Variants in CTSO observed in about 807,000 individuals in gnomAD.
CTSO encodes cathepsin O.
In CTSO, 40 loss-of-function variants were observed where a neutral mutation model predicts 42.4. That is an observed-to-expected ratio of 0.94 (90% CI 0.73 to 1.23). CTSO has a LOEUF of 1.23. Ranked by LOEUF, CTSO falls within the 50% of genes most tolerant of loss-of-function variation. The pLI, the probability that CTSO is intolerant of heterozygous loss-of-function variation, is 0.00. For synonymous variants in CTSO, 156 were observed against 146.2 expected (o/e 1.07, Z -0.48); for missense variants, 441 against 396.0 (o/e 1.11, Z -0.96).
chr4:155,934,517 GAC>G (rs1353561634), intron 5 of CTSO, among the ~76,000 whole-genome samples: 4 of 152,204 alleles, frequency 2.6e-5, no homozygotes, highest in Non-Finnish European at 5.9e-5. Context: ...AAAAGCCACA[GAC>G]ACTCAATGCC....
Position 155,929,723 on chromosome 4 carries a change from AT to A in CTSO, c.675-19del. 6.3e-7 allele frequency: 1 copy of A among 1,593,312 alleles called. No homozygotes were observed. The highest frequency in any genetic ancestry group is 8.5e-7 in the Non-Finnish European group (1 of 1,172,968). The stretch of plus-strand genomic sequence containing the variant: ...CTTGGTCACTACCAAAAGAGGAAAT[AT>A]TTGGTTAGAAAATTTAGTTTTTAAG... On this transcript the variant is annotated intron_variant, in intron 5 of 7. Transcript: ENST00000433477.
intron 5 of CTSO, among the ~76,000 whole-genome samples, chr4:155,931,384 G>A (rs563748220): frequency 5.9e-5 from 9 of 152,190 alleles, no homozygotes; most frequent in African/African-American, 1.9e-4. Flanking sequence ...TCAAGAAGAA[G>A]GAATATTTTT....
intron 5 of CTSO, 92 bp downstream of exon 5, chr4:155,937,270 A>G: frequency 2.2e-6 from 2 of 911,862 alleles, no homozygotes; most frequent in South Asian, 1.6e-5. Context: ...GATTAAGAGT[A>G]TGCAGTGATG....
chr4:155,947,747 C>T (rs1487663971), intron 1 of CTSO, among the ~76,000 whole-genome samples: 1 of 152,148 alleles, frequency 6.6e-6, no homozygotes, highest in Admixed American at 6.5e-5. Context: ...CTGTATGAGG[C>T]CCTTGCTGCT....
chr4:155,933,173 G>A (rs553334637), intron 5 of CTSO, among the ~76,000 whole-genome samples: 2 of 152,172 alleles, frequency 1.3e-5, no homozygotes, highest in South Asian at 4.2e-4. Context: ...AGGAACCCAG[G>A]GGGAGGTAAT....
intron 5 of CTSO, among the ~76,000 whole-genome samples, chr4:155,935,694 C>T (rs1743318073): frequency 6.6e-6 from 1 of 152,042 alleles, no homozygotes; most frequent in Non-Finnish European, 1.5e-5. Flanking sequence ...TTGTGACTGT[C>T]TGTCTCAATT....
chr4:155,946,345 T>C (rs1743547130), intron 1 of CTSO, among the ~76,000 whole-genome samples: 1 of 152,214 alleles, frequency 6.6e-6, no homozygotes, highest in Non-Finnish European at 1.5e-5. Context: ...GAAGTAGTTA[T>C]AATAACACCA....
intron 6 of CTSO, among the ~76,000 whole-genome samples, chr4:155,929,134 G>T (rs1476868828): frequency 6.6e-6 from 1 of 152,208 alleles, no homozygotes; most frequent in African/African-American, 2.4e-5. Context: ...CAACTAGTCA[G>T]ACCTATCCCT....
At chr4:155,946,808 AAT>A (rs1342343485) in intron 1 of CTSO, among the ~76,000 whole-genome samples, 5 of 152,198 alleles carry the variant, frequency 3.3e-5, no homozygotes, top group Non-Finnish European at 7.3e-5. Flanking sequence ...CAAAACCATT[AAT>A]AACATTAAAA....
intron 1 of CTSO, among the ~76,000 whole-genome samples, chr4:155,946,231 C>T (rs539292508): frequency 6.6e-6 from 1 of 152,254 alleles, no homozygotes; most frequent in Admixed American, 6.5e-5. Context: ...CCAGATGAAA[C>T]AAACTTATAC....
chr4:155,951,918 A>G (rs1247538428), intron 1 of CTSO, among the ~76,000 whole-genome samples: 1 of 152,144 alleles, frequency 6.6e-6, no homozygotes, highest in Non-Finnish European at 1.5e-5. Context: ...CCTCCCGTCC[A>G]TGGAAAAAAT....
chr4:155,939,269 A>G (rs1353611694), intron 4 of CTSO, 102 bp downstream of exon 4: 5 of 1,017,698 alleles, frequency 4.9e-6, no homozygotes, highest in Non-Finnish European at 7.0e-6. Context: ...CCGAACGTGG[A>G]AACATTATTT....
At chr4:155,949,547 A>G (rs1353284409) in intron 1 of CTSO, among the ~76,000 whole-genome samples, 3 of 152,200 alleles carry the variant, frequency 2.0e-5, no homozygotes, top group Non-Finnish European at 4.4e-5. Flanking sequence ...TCGGCACTTT[A>G]AACTCATTGT....
Position 155,925,326 on chromosome 4 carries a change from T to C in CTSO, c.*710A>G, listed in dbSNP as rs1743111688. 1 of 152,230 alleles carries C rather than the reference T, an allele frequency of 6.6e-6. No homozygotes were observed. The highest frequency in any genetic ancestry group is 2.4e-5 in the African/African-American group (1 of 41,456). 9.4% of individuals were successfully genotyped at this position (152,230 alleles called of 1,614,324 possible). On this transcript the variant is annotated 3_prime_UTR_variant, in exon 8 of 8. Transcript: ENST00000433477. ...GCAATATGATCTATTGGATTCCTAT[T>C]CACAATGAAAATTATCAAACAATAA...
At position 155,937,478 on chromosome 4, in the gene CTSO, T is replaced by C. The variant is rs774903131; in HGVS notation, c.558A>G (p.Gln186=). 3.7e-6 allele frequency: 6 copies of C among 1,612,804 alleles called. No individual in the cohort carries two copies. The highest frequency in any genetic ancestry group is 4.2e-6 in the Non-Finnish European group (5 of 1,179,328). ...LNALNWLNKM[Q]VKLVKDSEYP... is the part of the protein sequence containing the mutation. ...ATTCTGAATCTTTCACCAGTTTTACTTGCATCTAAAAGAAAACAATCACTG... is the reference window on the plus strand; with the variant it reads ...ATTCTGAATCTTTCACCAGTTTTACCTGCATCTAAAAGAAAACAATCACTG... Residue 186 remains glutamine, a synonymous_variant, in exon 5 of 8, where the codon CAA becomes CAG. Transcript: ENST00000433477.
intron 6 of CTSO, among the ~76,000 whole-genome samples, 178 bp from the exon 7 acceptor site, chr4:155,928,606 C>A (rs1394262602): frequency 6.6e-6 from 1 of 152,162 alleles, no homozygotes; most frequent in Non-Finnish European, 1.5e-5. Context: ...CTGAGCAGTA[C>A]TTACGGACAC....
In CTSO at chr4:155,929,575, G is replaced by T. The variant is rs1308487825; in HGVS notation, c.805C>A (p.His269Asn). The T allele has an allele frequency of 3.1e-6, 5 of 1,613,680 alleles. No homozygotes were observed. The highest frequency in any genetic ancestry group is 4.2e-6 in the Non-Finnish European group (5 of 1,179,910). The change falls in exon 6 of 8, where the codon CAT (histidine) becomes AAT (asparagine). Residue 269 changes from histidine (H) to asparagine (N), a missense_variant. Physicochemically the swap from His to Asn is moderately conservative, Grantham distance 68. Transcript: ENST00000433477. ...TCAAACCCAGTTATGAGAACTGCAT[G>T]ATTTGCTTCTCCACTAGAGCAGTGA... Reference protein sequence around the residue: ...QHHCSSGEANHAVLITGFDKT... With the variant: ...QHHCSSGEANNAVLITGFDKT...
At chr4:155,951,414 G>A (rs1295779253) in intron 1 of CTSO, among the ~76,000 whole-genome samples, 1 of 152,174 alleles carries the variant, frequency 6.6e-6, no homozygotes, top group East Asian at 1.9e-4. Context: ...AGGAGTGAAA[G>A]TGCAGAGATA....
chr4:155,950,801 A>G (rs994364351), intron 1 of CTSO, among the ~76,000 whole-genome samples: 2 of 151,950 alleles, frequency 1.3e-5, no homozygotes, highest in African/African-American at 4.8e-5. Context: ...ATGCTTGATG[A>G]TCTGGGGTGG....
Sources: gnomAD v4.1 joint callset for allele counts (sites outside exome capture counted in the v4.1 genomes callset) on GRCh38, gnomAD v4.1.1 for gene constraint, MANE v1.5 for transcripts, NCBI Gene and HGNC (gene_info 2026-07-23, HGNC 2026-07-21) for gene names.